The following PIGN variants were observed in gnomAD, a reference collection of about 807,000 sequenced individuals.
PIGN encodes the protein phosphatidylinositol glycan anchor biosynthesis class N.
Under a neutral mutation model 125.4 loss-of-function variants are expected in PIGN, and 117 were observed. That is an observed-to-expected ratio of 0.93 (90% confidence interval 0.80 to 1.09). The LOEUF (loss-of-function observed/expected upper bound fraction) is 1.09. Among genes scored for constraint, PIGN ranks in the 50% least tolerant of loss-of-function variants. The probability of loss-of-function intolerance (pLI) is 0.00; values close to 1 mark genes in which losing one functional copy is unlikely to be tolerated. For synonymous variants in PIGN, 392 were observed against 377.8 expected (o/e 1.04, Z -0.44); for missense variants, 1,075 against 1,094.9 (o/e 0.98, Z 0.26).
intron 30 of PIGN, among the ~76,000 whole-genome samples, chr18:62,049,582 G>A (rs1236557066): frequency 4.0e-5 from 6 of 149,910 alleles, no homozygotes; most frequent in Admixed American, 3.3e-4. Flanking sequence ...TGAGTTCATT[G>A]TAGATTCTGG....
chr18:62,132,458 C>T (rs2035773543), intron 14 of PIGN, among the ~76,000 whole-genome samples: 1 of 152,170 alleles, frequency 6.6e-6, no homozygotes, highest in Non-Finnish European at 1.5e-5. Context: ...TGGTTCACAT[C>T]TCCCTAAATG....
chr18:62,110,241 G>A, intron 16 of PIGN: 2 of 306,510 alleles, frequency 6.5e-6, no homozygotes, highest in South Asian at 1.3e-4. Flanking sequence ...TTGTTTGCAA[G>A]TAACTTGTTC....
chr18:62,071,303 C>T (rs1049963952), intron 30 of PIGN, among the ~76,000 whole-genome samples: 30 of 152,026 alleles, frequency 2.0e-4, no homozygotes, highest in African/African-American at 6.3e-4. Flanking sequence ...ACTTTGAAAC[C>T]GCGGATTCAA....
At position 62,055,341 on chromosome 18, in the gene PIGN, C is replaced by T. The variant is rs569981304; in HGVS notation, c.2673-9362G>A. Among the ~76,000 whole-genome samples, 16 of 152,160 alleles carry T rather than the reference C, an allele frequency of 1.1e-4. No homozygotes were observed. In the South Asian group the frequency reaches 1.2e-3, roughly 12 times the overall value. ...TAAGAAGTAACGAACTACTGAAATACGCAACAATGAATCACCAGAGAATTA... is the reference window on the plus strand; with the variant it reads ...TAAGAAGTAACGAACTACTGAAATATGCAACAATGAATCACCAGAGAATTA... On this transcript the variant is annotated intron_variant, in intron 30 of 30. Transcript: ENST00000640252.
chr18:62,111,871 CT>C lies in PIGN; in HGVS notation c.1434+1262del, dbSNP rs549747050. Among the ~76,000 whole-genome samples the C allele has an allele frequency of 6.7e-3, 1,025 of 152,268 alleles. 5 individuals carry two copies. Among genetic ancestry groups the C allele is most frequent in the Non-Finnish European group, 0.011 (738 of 68,022 alleles). On this transcript the variant is annotated intron_variant, in intron 16 of 30. Coordinates refer to ENST00000640252, the MANE Select transcript of PIGN (RefSeq NM_176787.5). The stretch of plus-strand genomic sequence containing the variant: ...TACCATACACTCAATTAAATATTGG[CT>C]GTATTATCAGATTAACGAATAATGA...
chr18:62,019,994 G>C (rs1039690750), intron 23 of PIGN, among the ~76,000 whole-genome samples: 1 of 152,250 alleles, frequency 6.6e-6, no homozygotes, highest in Non-Finnish European at 1.5e-5. Context: ...AATGTGCAGG[G>C]CACGGTCCCA....
chr18:62,109,961 G>T lies in PIGN; in HGVS notation c.1447C>A (p.Leu483Ile). 6.2e-7 allele frequency: 1 copy of T among 1,613,292 alleles called. No individual in the cohort carries two copies. Residue 483 changes from leucine to isoleucine, a missense_variant, in exon 17 of 31, where the codon CTC becomes ATC. Leu to Ile is a conservative substitution (Grantham distance 5). Coordinates refer to ENST00000640252, the MANE Select transcript of PIGN (RefSeq NM_176787.5). ...VSKEVKKPSHLLPCSFVAIGI... is the reference protein window; with the variant it reads ...VSKEVKKPSHILPCSFVAIGI... ...ATAGCTACAAAACTACAAGGCAGGA[G>T]ATGGCTTGGTTTCTGAAAAATCAAA...
At chr18:62,027,490 G>A (rs1240126585) in intron 23 of PIGN, among the ~76,000 whole-genome samples, 1 of 152,208 alleles carries the variant, frequency 6.6e-6, no homozygotes, top group African/African-American at 2.4e-5. Flanking sequence ...GTCCAGAAAG[G>A]CGGGACAACG....
chr18:62,152,141 G>A (rs964450867), intron 7 of PIGN, among the ~76,000 whole-genome samples: 13 of 152,184 alleles, frequency 8.5e-5, no homozygotes, highest in African/African-American at 2.4e-4. Context: ...AAAATTTTCC[G>A]GTTGGCAATT....
In PIGN at chr18:62,102,845, C is replaced by A. The variant is rs1599525126; in HGVS notation, c.1917G>T (p.Met639Ile). The change falls in exon 21 of 31, where the codon ATG becomes ATT. Residue 639 changes from methionine (M) to isoleucine (I), a missense_variant. Met to Ile is a conservative substitution (Grantham distance 10). This residue lies in a region of PIGN where 915 missense variants were observed against 908.7 expected (regional missense o/e 1.01). Coordinates refer to ENST00000640252, the MANE Select transcript of PIGN (RefSeq NM_176787.5). Reference sequence around the variant, plus strand: ...CCTTTATAAAGCTATCTTTTCTTTTCATGAGAGATGTTACAACACACAGGG... The same window carrying A: ...CCTTTATAAAGCTATCTTTTCTTTTAATGAGAGATGTTACAACACACAGGG... ...LLSLCVVTSL[M>I]KRKDSFIKEE... 1.3e-6 allele frequency: 2 copies of A among 1,586,104 alleles called. No homozygotes were observed. Among genetic ancestry groups the A allele is most frequent in the East Asian group, 4.6e-5 (2 of 43,932 alleles).
rs200237096 is a variant in PIGN at position 62,097,075 on chromosome 18, G to T, written c.2078-1125C>A. Among the ~76,000 whole-genome samples, 1,476 of 151,102 alleles carry T rather than the reference G, an allele frequency of 9.8e-3. 21 individuals carry two copies. Among genetic ancestry groups the T allele is most frequent in the East Asian group, 0.049 (250 of 5,116 alleles). Reference sequence around the variant, plus strand: ...AACAAAAGACAAAATTGACAAATGGGATCTAATTAAACTAAAGAGCTTCTG... The same window carrying T: ...AACAAAAGACAAAATTGACAAATGGTATCTAATTAAACTAAAGAGCTTCTG... On this transcript the variant is annotated intron_variant, in intron 22 of 30. Transcript: ENST00000640252.
intron 7 of PIGN, among the ~76,000 whole-genome samples, chr18:62,152,915 T>C (rs566671408): frequency 6.6e-6 from 1 of 152,096 alleles, no homozygotes; most frequent in Admixed American, 6.5e-5. Context: ...AGTAGAAAAC[T>C]GCATGGATCT....
At chr18:62,147,930 A>G (rs991738692) in intron 8 of PIGN, among the ~76,000 whole-genome samples, 1 of 152,106 alleles carries the variant, frequency 6.6e-6, no homozygotes, top group African/African-American at 2.4e-5. Flanking sequence ...TATTTCTAAA[A>G]TATATAGATA....
chr18:62,083,688 A>G (rs535500996), intron 27 of PIGN, among the ~76,000 whole-genome samples: 10 of 151,752 alleles, frequency 6.6e-5, no homozygotes, highest in South Asian at 4.2e-4. Context: ...ATAAACTGGG[A>G]AAAAAAACCA....
intron 19 of PIGN, among the ~76,000 whole-genome samples, chr18:62,106,249 T>C (rs1006536778): frequency 1.3e-5 from 2 of 152,142 alleles, no homozygotes; most frequent in African/African-American, 4.8e-5. Flanking sequence ...GCTACTTCTA[T>C]CAAAAAGTAT....
chr18:62,137,115 A>G (rs1278822722), intron 14 of PIGN: 9 of 398,540 alleles, frequency 2.3e-5, no homozygotes, highest in Non-Finnish European at 4.0e-5. Flanking sequence ...CAGCACAGCT[A>G]GAATAAAGCA....
intron 23 of PIGN, among the ~76,000 whole-genome samples, chr18:62,023,046 G>C: frequency 6.6e-6 from 1 of 152,124 alleles, no homozygotes; most frequent in Middle Eastern, 3.2e-3. Flanking sequence ...TGCATGTTTG[G>C]AAAAGATGCA....
At chr18:62,141,535 C>T (rs2036134630) in intron 11 of PIGN, among the ~76,000 whole-genome samples, 1 of 152,206 alleles carries the variant, frequency 6.6e-6, no homozygotes, top group South Asian at 2.1e-4. Context: ...CCCAGGCTCT[C>T]AGTCTTTCTC....
chr18:62,072,117 T>C (rs1262938506), intron 30 of PIGN, among the ~76,000 whole-genome samples: 1 of 148,438 alleles, frequency 6.7e-6, no homozygotes, highest in Non-Finnish European at 1.5e-5. Context: ...GTTTAAAAAG[T>C]AAAAAAAAGT....
Sources: allele counts gnomAD v4.1 joint callset (sites outside exome capture counted in the v4.1 genomes callset), GRCh38; gene constraint gnomAD v4.1.1; regional missense constraint gnomAD v4.1.1; transcripts MANE v1.5; gene names NCBI Gene and HGNC (gene_info 2026-07-23, HGNC 2026-07-21).